The following SIN3A variants were observed in gnomAD, a reference collection of about 807,000 sequenced individuals.
SIN3A encodes the protein paired amphipathic helix protein Sin3a.
In SIN3A, 14 loss-of-function variants were observed where a neutral mutation model predicts 146.1. The ratio of observed to expected loss-of-function variants is 0.10; its 90% confidence interval spans 0.06 to 0.15. The LOEUF is 0.15. Ranked by LOEUF, SIN3A falls within the 10% of genes least tolerant of loss-of-function variation. The pLI, the probability that SIN3A is intolerant of heterozygous loss-of-function variation, is 1.00. For missense variants in SIN3A, 1,028 were observed against 1,576.0 expected (o/e 0.65, Z 5.89); for synonymous variants, 572 against 572.0 (o/e 1.00, Z 0.00).
intron 4 of SIN3A, among the ~76,000 whole-genome samples, chr15:75,413,277 T>C (rs1416278523): frequency 6.6e-6 from 1 of 151,818 alleles, no homozygotes; most frequent in African/African-American, 2.4e-5. Context: ...TGCGCCACCA[T>C]ACCCGGCTAA....
chr15:75,422,720 A>C lies in SIN3A; in HGVS notation c.293T>G (p.Val98Gly). 1 of 1,614,206 alleles carries C rather than the reference A, an allele frequency of 6.2e-7. No individual in the cohort carries two copies. The highest frequency in any genetic ancestry group is 8.5e-7 in the Non-Finnish European group (1 of 1,180,044). Residue 98 changes from valine (V) to glycine (G), a missense_variant, in exon 3 of 21, where the codon GTG becomes GGG. Val to Gly is a moderately radical substitution (Grantham distance 109). This residue lies in a region of SIN3A where 152 missense variants were observed against 231.5 expected (regional missense o/e 0.66). Coordinates refer to ENST00000394947, the MANE Select transcript of SIN3A (RefSeq NM_001145358.2). ...GGCTGGATGAGCATGACTCTGGACC[A>C]CCTGGCCTCCGTGGGGCTGCACCGC... is the stretch of plus-strand genomic sequence containing the variant. ...PTAVQPHGGQVVQSHAHPAPP... is the reference protein window; with the variant it reads ...PTAVQPHGGQGVQSHAHPAPP...
chr15:75,443,409 T>C (rs893436116), intron 1 of SIN3A, among the ~76,000 whole-genome samples: 3 of 152,164 alleles, frequency 2.0e-5, no homozygotes, highest in South Asian at 2.1e-4. Context: ...CCAACTTCTT[T>C]TATACTTTCT....
chr15:75,439,922 G>A (rs989095688), intron 1 of SIN3A, among the ~76,000 whole-genome samples: 9 of 151,470 alleles, frequency 5.9e-5, no homozygotes, highest in Admixed American at 3.3e-4. Flanking sequence ...AGGCTGAGGC[G>A]GGCGGATCAC....
At chr15:75,423,403 G>A (rs2073872857) in intron 2 of SIN3A, among the ~76,000 whole-genome samples, 2 of 152,194 alleles carry the variant, frequency 1.3e-5, no homozygotes. Flanking sequence ...ATATAGCCGG[G>A]CACGGTGGCT....
intron 2 of SIN3A, among the ~76,000 whole-genome samples, chr15:75,426,587 G>C (rs1014274272): frequency 6.6e-6 from 1 of 152,108 alleles, no homozygotes; most frequent in African/African-American, 2.4e-5. Context: ...TAAATGAAAA[G>C]AGCAAACAGC....
At chr15:75,452,470 G>T (rs536366085), upstream of SIN3A, among the ~76,000 whole-genome samples, 1 of 152,202 alleles carries the variant, frequency 6.6e-6, no homozygotes, top group African/African-American at 2.4e-5. Context: ...TCATCCTTCC[G>T]TCCAGTTATC....
intron 20 of SIN3A, among the ~76,000 whole-genome samples, chr15:75,373,735 A>AC (rs1486956039): frequency 6.6e-6 from 1 of 150,448 alleles, no homozygotes; most frequent in Non-Finnish European, 1.5e-5. Context: ...ACGTAAGGAG[A>AC]CCCCGTGTCT....
Position 75,430,168 on chromosome 15 carries a change from T to C in SIN3A, c.189+19A>G, listed in dbSNP as rs1477949504. The C allele has an allele frequency of 1.9e-6, 3 of 1,597,336 alleles. No individual in the cohort carries two copies. Among genetic ancestry groups the C allele is most frequent in the Admixed American group, 1.7e-5 (1 of 59,878 alleles). On this transcript the variant is annotated intron_variant, in intron 2 of 20. Transcript: ENST00000394947. The stretch of plus-strand genomic sequence containing the variant: ...ATTTCTCTTCCCTCATTCTAGTCCC[T>C]TGGTTGGCTCCAGCTTACCTGGTAG...
At chr15:75,440,982 CAAAAAAA>C (rs769091157) in intron 1 of SIN3A, among the ~76,000 whole-genome samples, 6 of 71,570 alleles carry the variant, frequency 8.4e-5, no homozygotes, top group Non-Finnish European at 1.1e-4. Context: ...GACTCTGTCT[CAAAAAAA>C]AAAAAAAAAA....
chr15:75,422,892 A>C, intron 2 of SIN3A, 69 bp from the exon 3 acceptor site: 1 of 1,473,462 alleles, frequency 6.8e-7, no homozygotes, highest in Non-Finnish European at 9.3e-7. Context: ...AGTCTAAATA[A>C]CTAACACAAA....
intron 9 of SIN3A, among the ~76,000 whole-genome samples, chr15:75,405,677 G>A (rs551126885): frequency 6.6e-6 from 1 of 152,242 alleles, no homozygotes; most frequent in East Asian, 1.9e-4. Flanking sequence ...CTTGAGCCAG[G>A]GAGGCGGAGG....
chr15:75,440,778 C>T (rs939624453), intron 1 of SIN3A, among the ~76,000 whole-genome samples: 27 of 151,738 alleles, frequency 1.8e-4, no homozygotes, highest in African/African-American at 4.4e-4. Flanking sequence ...GTCAGGAGAT[C>T]GAGACCATCC....
chr15:75,416,021 A>G, intron 3 of SIN3A: 1 of 326,092 alleles, frequency 3.1e-6, no homozygotes. Context: ...TGCCAAGTGA[A>G]ACATGTGCAT....
At chr15:75,430,111 T>C in intron 2 of SIN3A, 76 bp downstream of exon 2, 1 of 1,152,476 alleles carries the variant, frequency 8.7e-7, no homozygotes, top group Non-Finnish European at 1.3e-6. Flanking sequence ...AACACAGTAT[T>C]AAAAAAAGTT....
At chr15:75,408,247 A>T (rs1481666738) in intron 8 of SIN3A, among the ~76,000 whole-genome samples, 1 of 152,222 alleles carries the variant, frequency 6.6e-6, no homozygotes, top group Non-Finnish European at 1.5e-5. Context: ...TACTGAGCTG[A>T]TTCTTGCTAC....
At chr15:75,411,427 T>C (rs2141492556) in intron 6 of SIN3A, 65 bp downstream of exon 6, 1 of 1,475,568 alleles carries the variant, frequency 6.8e-7, no homozygotes, top group East Asian at 2.3e-5. Context: ...AATGGTTACT[T>C]GTTATTGGAC....
In SIN3A at chr15:75,397,047, A is replaced by T. The variant is rs138209425; in HGVS notation, c.1855-551T>A. ...TAGCCTTGTTCCACATCCAGTAATA[A>T]TAAGAGCAGTGACTATCATAACTTA... On this transcript the variant is annotated intron_variant, in intron 12 of 20. Coordinates refer to ENST00000394947, the MANE Select transcript of SIN3A (RefSeq NM_001145358.2). Among the ~76,000 whole-genome samples, 87 of 152,352 alleles carry T rather than the reference A, an allele frequency of 5.7e-4. No individual in the cohort carries two copies. In the East Asian group the frequency reaches 0.011, roughly 19 times the overall value.
intron 16 of SIN3A, among the ~76,000 whole-genome samples, chr15:75,387,309 G>A (rs2073104385): frequency 1.3e-5 from 2 of 152,130 alleles, no homozygotes; most frequent in South Asian, 4.1e-4. Context: ...TGAATTGCTT[G>A]AGCCCATAAG....
chr15:75,381,547 T>C (rs749939976), intron 18 of SIN3A, 66 bp downstream of exon 18: 6 of 1,255,188 alleles, frequency 4.8e-6, no homozygotes, highest in African/African-American at 3.0e-5. Context: ...ACAGGGTCAC[T>C]GGACAGACTC....
Sources: allele counts gnomAD v4.1 joint callset (sites outside exome capture counted in the v4.1 genomes callset), GRCh38; gene constraint gnomAD v4.1.1; regional missense constraint gnomAD v4.1.1; transcripts MANE v1.5; gene names NCBI Gene and HGNC (gene_info 2026-07-23, HGNC 2026-07-21).